The following ADGRL3 variants were observed in gnomAD, a reference collection of about 807,000 sequenced individuals.
The protein encoded by ADGRL3 is calcium-independent alpha-latrotoxin receptor 3.
ADGRL3 carries 62 observed loss-of-function variants against 153.5 expected under a neutral mutation model. The observed-to-expected ratio is 0.40, with a 90% CI of 0.33 to 0.50. The LOEUF is 0.50. ADGRL3 is among the 20% of genes least tolerant of loss of function. The pLI, the probability that ADGRL3 is intolerant of heterozygous loss-of-function variation, is 0.47. For missense variants in ADGRL3, 1,641 were observed against 1,859.4 expected (o/e 0.88, Z 2.16); for synonymous variants, 710 against 672.5 (o/e 1.06, Z -0.86).
chr4:61,936,111 C>A, intron 15 of ADGRL3, 66 bp downstream of exon 15: 2 of 1,564,860 alleles, frequency 1.3e-6, no homozygotes, highest in South Asian at 1.2e-5. Flanking sequence ...TCTTTTTGGC[C>A]GGGAATATTA....
chr4:61,609,970 C>T (rs1331138801), intron 5 of ADGRL3, among the ~76,000 whole-genome samples: 2 of 151,674 alleles, frequency 1.3e-5, no homozygotes, highest in South Asian at 4.2e-4. Flanking sequence ...GTATTTATGT[C>T]TAAATACAGA....
intron 5 of ADGRL3, among the ~76,000 whole-genome samples, chr4:61,634,753 G>T (rs2093343368): frequency 1.3e-5 from 2 of 152,094 alleles, no homozygotes; most frequent in Non-Finnish European, 2.9e-5. Context: ...AAAGTAAGCT[G>T]CATAACCTAA....
chr4:61,232,224 A>C lies in ADGRL3; in HGVS notation c.-240+30459A>C, dbSNP rs542621870. Among the ~76,000 whole-genome samples, 147 of 152,270 alleles carry C rather than the reference A, an allele frequency of 9.7e-4. 1 individual carries two copies. Among genetic ancestry groups the C allele is most frequent in the South Asian group, 3.9e-3 (19 of 4,824 alleles). On this transcript the variant is annotated intron_variant, in intron 1 of 26. Coordinates refer to ENST00000683033, the MANE Select transcript of ADGRL3 (RefSeq NM_001387552.1). Reference sequence around the variant, plus strand: ...TATTTGGATTTAAGCCAACTATCCAAGTGCTCTGAAGAGACAGAATATCAA... The same window carrying C: ...TATTTGGATTTAAGCCAACTATCCACGTGCTCTGAAGAGACAGAATATCAA...
chr4:62,039,462 T>C (rs1726950765), intron 24 of ADGRL3, among the ~76,000 whole-genome samples: 1 of 152,212 alleles, frequency 6.6e-6, no homozygotes, highest in Non-Finnish European at 1.5e-5. Flanking sequence ...AATATCAGGC[T>C]ATGTTAAATA....
chr4:61,419,349 T>A (rs2097176871), intron 2 of ADGRL3, among the ~76,000 whole-genome samples: 2 of 150,766 alleles, frequency 1.3e-5, no homozygotes. Context: ...TAAGAAAGAA[T>A]AATGAAAACA....
intron 21 of ADGRL3, among the ~76,000 whole-genome samples, chr4:61,998,585 T>A (rs2151068436): frequency 6.6e-6 from 1 of 151,910 alleles, no homozygotes; most frequent in South Asian, 2.1e-4. Context: ...TTTTTTTTAT[T>A]TAATTTTGAG....
At chr4:61,435,730 A>T (rs1299614460) in intron 2 of ADGRL3, among the ~76,000 whole-genome samples, 2 of 151,968 alleles carry the variant, frequency 1.3e-5, no homozygotes, top group East Asian at 3.9e-4. Context: ...TTCACCTTCC[A>T]TTCTCCATAA....
chr4:62,003,097 T>C (rs1053653773), intron 21 of ADGRL3, among the ~76,000 whole-genome samples: 5 of 152,166 alleles, frequency 3.3e-5, no homozygotes, highest in South Asian at 2.1e-4. Context: ...AGTGAAATAA[T>C]GGCCATTTTA....
At chr4:61,314,851 A>AT (rs1458198655) in intron 1 of ADGRL3, among the ~76,000 whole-genome samples, 1 of 152,144 alleles carries the variant, frequency 6.6e-6, no homozygotes, top group African/African-American at 2.4e-5. Flanking sequence ...ATCCACTCCC[A>AT]AGTGTCAATA....
intron 24 of ADGRL3, among the ~76,000 whole-genome samples, chr4:62,039,983 C>A (rs1727311431): frequency 6.6e-6 from 1 of 152,108 alleles, no homozygotes; most frequent in Admixed American, 6.6e-5. Context: ...TACTTCTAAA[C>A]TACAAGTTAA....
intron 1 of ADGRL3, among the ~76,000 whole-genome samples, chr4:61,236,385 G>A (rs549844514): frequency 1.3e-5 from 2 of 152,170 alleles, no homozygotes; most frequent in South Asian, 4.1e-4. Context: ...ACACCCTGGA[G>A]CTTTTTCTTT....
chr4:61,816,234 A>C (rs2097687338), intron 9 of ADGRL3, among the ~76,000 whole-genome samples: 1 of 152,192 alleles, frequency 6.6e-6, no homozygotes, highest in African/African-American at 2.4e-5. Flanking sequence ...TCCAAAACTT[A>C]GTGACTTAAA....
At chr4:61,888,321 T>C (rs982632573) in intron 9 of ADGRL3, among the ~76,000 whole-genome samples, 3 of 152,252 alleles carry the variant, frequency 2.0e-5, no homozygotes, top group Non-Finnish European at 4.4e-5. Context: ...TTTATTAAGC[T>C]AGCTATGTCA....
At chr4:61,852,292 T>A (rs59943719) in intron 9 of ADGRL3, among the ~76,000 whole-genome samples, 2,043 of 102,574 alleles carry the variant, frequency 0.02, 16 homozygotes, top group Non-Finnish European at 0.024. Flanking sequence ...ATTTTAATTT[T>A]ATTTTATTTT....
Position 61,379,999 on chromosome 4 carries a change from C to G in ADGRL3, c.-239-3125C>G, listed in dbSNP as rs1281410558. 2.0e-5 allele frequency among the ~76,000 whole-genome samples: 3 copies of G among 151,950 alleles called. No individual in the cohort carries two copies. In the East Asian group the frequency reaches 5.8e-4, roughly 29 times the overall value. On this transcript the variant is annotated intron_variant, in intron 1 of 26. Transcript: ENST00000683033. ...CTGGCCTTGCCACTAATATCCATAC[C>G]AACCTCAGAGAATTGTTTTAAAGGT...
At chr4:61,275,540 C>T (rs1324458011) in intron 1 of ADGRL3, among the ~76,000 whole-genome samples, 1 of 152,102 alleles carries the variant, frequency 6.6e-6, no homozygotes, top group Non-Finnish European at 1.5e-5. Context: ...CTGTTTTTCC[C>T]CAGAAATCTC....
At chr4:61,797,453 G>C (rs925709434) in intron 8 of ADGRL3, among the ~76,000 whole-genome samples, 3 of 152,148 alleles carry the variant, frequency 2.0e-5, no homozygotes, top group Admixed American at 2.0e-4. Context: ...AATTTAAACT[G>C]AGACTTGGTT....
chr4:61,827,110 GAGC>G (rs1168919369), intron 9 of ADGRL3, among the ~76,000 whole-genome samples: 3 of 152,114 alleles, frequency 2.0e-5, no homozygotes, highest in Admixed American at 1.3e-4. Context: ...GAGTCTCTAA[GAGC>G]AGCATCTCAA....
intron 25 of ADGRL3, among the ~76,000 whole-genome samples, chr4:62,052,699 G>A (rs1358673472): frequency 3.3e-5 from 5 of 150,916 alleles, no homozygotes; most frequent in East Asian, 1.9e-4. Flanking sequence ...TTCAGTACGA[G>A]GATGAATATT....
Sources: gnomAD v4.1 joint callset for allele counts (sites outside exome capture counted in the v4.1 genomes callset) on GRCh38, gnomAD v4.1.1 for gene constraint, MANE v1.5 for transcripts, NCBI Gene and HGNC (gene_info 2026-07-23, HGNC 2026-07-21) for gene names.